Variants in CISD1 observed in about 807,000 individuals in gnomAD.
CISD1 encodes CDGSH iron-sulfur domain-containing protein 1.
Under a neutral mutation model 12.0 loss-of-function variants are expected in CISD1, and 8 were observed. That is an observed-to-expected ratio of 0.67 (90% CI 0.39 to 1.20). The LOEUF is 1.20. Ranked by LOEUF, CISD1 falls within the 50% of genes most tolerant of loss-of-function variation. The pLI is 0.01. For missense variants in CISD1, 107 were observed against 132.7 expected, an observed-to-expected ratio of 0.81 and a Z score of 0.95; for synonymous variants, 38 against 42.2, an observed-to-expected ratio of 0.90 and a Z score of 0.39.
intron 2 of CISD1, among the ~76,000 whole-genome samples, chr10:58,281,799 G>A (rs1839376615): frequency 1.3e-5 from 2 of 152,184 alleles, no homozygotes; most frequent in South Asian, 2.1e-4. Flanking sequence ...GTAACCTGTT[G>A]TGTGTCTGTA....
chr10:58,276,486 T>G (rs2790180), intron 1 of CISD1, among the ~76,000 whole-genome samples: 24,076 of 151,932 alleles, frequency 0.16, 2,150 homozygotes, highest in East Asian at 0.31. Flanking sequence ...AAAGGACTTT[T>G]GAATGAAGAA....
At chr10:58,287,532 T>C (rs1292850114) in intron 2 of CISD1, 29 bp from the exon 3 acceptor site, 2 of 1,495,518 alleles carry the variant, frequency 1.3e-6, no homozygotes, top group East Asian at 4.5e-5. Context: ...TGAGATTAGA[T>C]GTTTCACATT....
intron 2 of CISD1, among the ~76,000 whole-genome samples, chr10:58,282,160 C>T (rs1399220149): frequency 2.0e-5 from 3 of 152,230 alleles, no homozygotes; most frequent in South Asian, 4.1e-4. Context: ...CAGGGTTTCA[C>T]CATGTTGGCC....
rs541226587 is a variant in CISD1 at position 58,269,242 on chromosome 10, C to T, written c.-32C>T. The T allele has an allele frequency of 7.2e-5, 115 of 1,605,780 alleles. 2 individuals are homozygous for T. In the South Asian group the frequency reaches 1.2e-3, roughly 17 times the overall value. On this transcript the variant is annotated 5_prime_UTR_variant, in exon 1 of 3. Transcript: ENST00000333926. ...GCGCGAACCCGTTTGAGCTCGGTAT[C>T]CTAGTGCACACGCCTTGCAAGCGAC... is the stretch of plus-strand genomic sequence containing the variant.
intron 2 of CISD1, among the ~76,000 whole-genome samples, chr10:58,279,874 G>A (rs887769877): frequency 9.2e-5 from 14 of 152,204 alleles, no homozygotes; most frequent in African/African-American, 3.4e-4. Context: ...GCTCACACCT[G>A]TAATGCTAAT....
chr10:58,280,008 C>A (rs1239220264), intron 2 of CISD1, among the ~76,000 whole-genome samples: 1 of 152,132 alleles, frequency 6.6e-6, no homozygotes, highest in African/African-American at 2.4e-5. Context: ...AAAAAAACAT[C>A]ACATCTTCTG....
At chr10:58,277,821 T>C (rs1013996563) in intron 2 of CISD1, among the ~76,000 whole-genome samples, 3 of 152,096 alleles carry the variant, frequency 2.0e-5, no homozygotes, top group Non-Finnish European at 2.9e-5. Context: ...GAAAGTGAAG[T>C]GTACAGCCTA....
At chr10:58,277,399 C>A in intron 2 of CISD1, 77 bp downstream of exon 2, 2 of 1,028,700 alleles carry the variant, frequency 1.9e-6, no homozygotes, top group South Asian at 1.8e-5. Context: ...CAGACTTGTT[C>A]ACCAGATATT....
In CISD1 at chr10:58,278,465, T is replaced by TGCAGTTAGCTGTG. The variant is rs1390919732; in HGVS notation, c.237+1144_237+1156dup. 2.0e-5 allele frequency among the ~76,000 whole-genome samples: 3 copies of TGCAGTTAGCTGTG among 152,334 alleles called. No individual in the cohort carries two copies. The East Asian group carries it at 5.8e-4, about 29-fold the overall frequency. ...TCACTTGAGCCCAGGAGGTTGAGGC[T>TGCAGTTAGCTGTG]GCAGTTAGCTGTGATTGCATCACGC... On this transcript the variant is annotated intron_variant, in intron 2 of 2. Transcript: ENST00000333926.
chr10:58,269,401 G>A, intron 1 of CISD1, 97 bp downstream of exon 1: 2 of 1,156,650 alleles, frequency 1.7e-6, no homozygotes, highest in African/African-American at 3.0e-5. Context: ...CTACGCGCCC[G>A]CCGGTCCTAT....
rs1839454738 is a variant in CISD1 at position 58,288,541 on chromosome 10, C to T, written c.*891C>T. On this transcript the variant is annotated 3_prime_UTR_variant, in exon 3 of 3. Coordinates refer to ENST00000333926, the MANE Select transcript of CISD1 (RefSeq NM_018464.5). Reference sequence around the variant, plus strand: ...CGTGGGAAGATTTTTTTTTTTCCCACTCTAGCTAATCAAGCACATGGCTTT... The same window carrying T: ...CGTGGGAAGATTTTTTTTTTTCCCATTCTAGCTAATCAAGCACATGGCTTT... 6.6e-6 allele frequency: 1 copy of T among 151,826 alleles called. No individual in the cohort carries two copies. Among genetic ancestry groups the T allele is most frequent in the African/African-American group, 2.4e-5 (1 of 41,320 alleles). 9.4% of individuals were successfully genotyped at this position (151,826 alleles called of 1,614,324 possible).
chr10:58,275,227 T>C (rs1839299422), intron 1 of CISD1, among the ~76,000 whole-genome samples: 1 of 152,214 alleles, frequency 6.6e-6, no homozygotes, highest in Admixed American at 6.5e-5. Context: ...TTTTCGCCCA[T>C]TTTGTGATAG....
intron 2 of CISD1, among the ~76,000 whole-genome samples, chr10:58,286,399 G>A (rs1298189548): frequency 6.6e-6 from 1 of 152,114 alleles, no homozygotes; most frequent in African/African-American, 2.4e-5. Flanking sequence ...GGAAGCAATA[G>A]CCTCCAGTAA....
At chr10:58,269,388 G>C in intron 1 of CISD1, 84 bp downstream of exon 1, 1 of 1,231,388 alleles carries the variant, frequency 8.1e-7, no homozygotes, top group Non-Finnish European at 1.2e-6. Context: ...TTTTACCACT[G>C]CCCTACGCGC....
At chr10:58,274,826 A>AT (rs1839294234) in intron 1 of CISD1, among the ~76,000 whole-genome samples, 1 of 152,146 alleles carries the variant, frequency 6.6e-6, no homozygotes, top group African/African-American at 2.4e-5. Context: ...TAAAAAAAAA[A>AT]GTGACCTGTG....
At chr10:58,277,403 A>G (rs1241410220) in intron 2 of CISD1, 81 bp downstream of exon 2, 4 of 1,000,628 alleles carry the variant, frequency 4.0e-6, no homozygotes, top group Non-Finnish European at 5.7e-6. Context: ...CTTGTTCACC[A>G]GATATTGTTA....
At chr10:58,283,463 T>C (rs1839394852) in intron 2 of CISD1, among the ~76,000 whole-genome samples, 1 of 152,182 alleles carries the variant, frequency 6.6e-6, no homozygotes, top group South Asian at 2.1e-4. Flanking sequence ...TTCTGGACAG[T>C]TTATGGTAAT....
intron 2 of CISD1, among the ~76,000 whole-genome samples, chr10:58,286,190 G>A (rs1413639843): frequency 8.2e-5 from 12 of 145,712 alleles, no homozygotes; most frequent in Non-Finnish European, 1.6e-4. Context: ...GGGCGACAGA[G>A]CAAGACTCCG....
intron 1 of CISD1, among the ~76,000 whole-genome samples, chr10:58,275,778 G>A (rs923064593): frequency 2.6e-5 from 4 of 152,136 alleles, no homozygotes; most frequent in Admixed American, 6.5e-5. Context: ...GTTAGATAAA[G>A]TCTAAATTAT....
Sources: allele counts gnomAD v4.1 joint callset (sites outside exome capture counted in the v4.1 genomes callset), GRCh38; gene constraint gnomAD v4.1.1; transcripts MANE v1.5; gene names NCBI Gene and HGNC (gene_info 2026-07-23, HGNC 2026-07-21).